RNF180: variants seen among roughly 807,000 people sequenced by gnomAD.
RNF180 encodes the protein E3 ubiquitin-protein ligase RNF180.
RNF180 carries 38 observed loss-of-function variants against 59.2 expected under a neutral mutation model. The ratio of observed to expected loss-of-function variants is 0.64; its 90% CI spans 0.50 to 0.84. The LOEUF is 0.84. Ranked by LOEUF, RNF180 falls within the 40% of genes least tolerant of loss-of-function variation. The pLI is 0.00. For missense variants in RNF180, 705 were observed against 700.9 expected (o/e 1.01, Z -0.07); for synonymous variants, 262 against 240.3 (o/e 1.09, Z -0.84).
At chr5:64,243,321 C>G (rs1309464554) in intron 5 of RNF180, among the ~76,000 whole-genome samples, 2 of 152,188 alleles carry the variant, frequency 1.3e-5, no homozygotes, top group African/African-American at 4.8e-5. Flanking sequence ...ATGGAGCCAG[C>G]TAAGATTCAC....
At chr5:64,168,656 A>C (rs1190286109) in intron 1 of RNF180, among the ~76,000 whole-genome samples, 2 of 152,174 alleles carry the variant, frequency 1.3e-5, no homozygotes, top group African/African-American at 4.8e-5. Flanking sequence ...TTAAATTTAA[A>C]TCTTTGTAAC....
chr5:64,203,199 A>C (rs1364932696), intron 2 of RNF180, among the ~76,000 whole-genome samples: 1 of 152,210 alleles, frequency 6.6e-6, no homozygotes, highest in African/African-American at 2.4e-5. Context: ...AGTCTTGTTG[A>C]AAATAGGCCA....
chr5:64,343,647 G>C (rs966586012), intron 7 of RNF180, among the ~76,000 whole-genome samples: 1 of 151,652 alleles, frequency 6.6e-6, no homozygotes, highest in African/African-American at 2.4e-5. Flanking sequence ...CAAGAAGCAA[G>C]GATGACTGAC....
chr5:64,263,317 C>G (rs542709775), intron 5 of RNF180, among the ~76,000 whole-genome samples: 5 of 152,182 alleles, frequency 3.3e-5, no homozygotes, highest in African/African-American at 1.2e-4. Flanking sequence ...GTAACACTTG[C>G]CGGTCTCCAT....
chr5:64,362,931 G>A (rs557868625), intron 7 of RNF180, among the ~76,000 whole-genome samples: 54 of 142,074 alleles, frequency 3.8e-4, no homozygotes, highest in Middle Eastern at 3.4e-3. Flanking sequence ...TTTTAAAGGG[G>A]TTATTCTTTT....
At chr5:64,250,507 C>G (rs1004430253) in intron 5 of RNF180, among the ~76,000 whole-genome samples, 3 of 151,708 alleles carry the variant, frequency 2.0e-5, no homozygotes, top group Non-Finnish European at 4.4e-5. Context: ...AGAAAATCAA[C>G]AAACCATTAG....
intron 1 of RNF180, among the ~76,000 whole-genome samples, chr5:64,168,333 G>C (rs778620901): frequency 7.9e-5 from 12 of 152,120 alleles, no homozygotes; most frequent in Non-Finnish European, 1.5e-5. Context: ...TGATGGCTAC[G>C]AAGGCAGTTT....
chr5:64,325,807 C>A (rs141040540), intron 6 of RNF180, among the ~76,000 whole-genome samples: 1 of 152,174 alleles, frequency 6.6e-6, no homozygotes, highest in Non-Finnish European at 1.5e-5. Context: ...TATCTAAGTA[C>A]AATTACTACA....
chr5:64,344,389 A>G (rs1156309080), intron 7 of RNF180, among the ~76,000 whole-genome samples: 1 of 152,176 alleles, frequency 6.6e-6, no homozygotes, highest in African/African-American at 2.4e-5. Context: ...CCATAGGAAA[A>G]CATAAAACCA....
At chr5:64,237,357 CTT>C (rs993163754) in intron 5 of RNF180, among the ~76,000 whole-genome samples, 1 of 148,940 alleles carries the variant, frequency 6.7e-6, no homozygotes, top group Admixed American at 6.7e-5. Flanking sequence ...CCTGTGTCCT[CTT>C]TTTTTTTTAT....
intron 7 of RNF180, among the ~76,000 whole-genome samples, chr5:64,342,643 C>T (rs954468044): frequency 2.6e-5 from 4 of 151,998 alleles, no homozygotes; most frequent in African/African-American, 9.7e-5. Flanking sequence ...ATATTTTAAA[C>T]CTATATAGGA....
intron 3 of RNF180, 142 bp from the exon 4 acceptor site, chr5:64,213,416 C>T (rs1752411901): frequency 2.9e-6 from 2 of 678,050 alleles, no homozygotes; most frequent in African/African-American, 3.6e-5. Flanking sequence ...ATTTGCTGTT[C>T]AGTCTACTAA....
chr5:64,323,902 A>T (rs1744496208), intron 5 of RNF180, among the ~76,000 whole-genome samples: 1 of 152,130 alleles, frequency 6.6e-6, no homozygotes, highest in Admixed American at 6.5e-5. Flanking sequence ...ACTACAGTAA[A>T]TCCTCATTTA....
intron 5 of RNF180, among the ~76,000 whole-genome samples, chr5:64,311,592 C>T (rs1347857935): frequency 6.6e-6 from 1 of 152,022 alleles, no homozygotes; most frequent in African/African-American, 2.4e-5. Context: ...AAAGTCCTTA[C>T]TGTTTTTGAA....
chr5:64,300,306 A>T (rs1196577158), intron 5 of RNF180, among the ~76,000 whole-genome samples: 1 of 151,746 alleles, frequency 6.6e-6, no homozygotes, highest in African/African-American at 2.4e-5. Context: ...CGAAAGTTAA[A>T]CCCACAATGC....
chr5:64,166,407 G>C (rs961445536), intron 1 of RNF180: 1 of 152,706 alleles, frequency 6.5e-6, no homozygotes, highest in Admixed American at 6.5e-5. Context: ...GATTCCCTCT[G>C]CACGGTTCCA....
intron 5 of RNF180, among the ~76,000 whole-genome samples, chr5:64,224,621 T>C (rs1474638527): frequency 2.6e-5 from 4 of 152,120 alleles, no homozygotes. Flanking sequence ...ACTAGGTCAC[T>C]GGAGTATAGG....
intron 5 of RNF180, among the ~76,000 whole-genome samples, chr5:64,289,342 C>G (rs952365638): frequency 6.6e-6 from 1 of 152,074 alleles, no homozygotes; most frequent in Non-Finnish European, 1.5e-5. Context: ...AGATATTGGC[C>G]TGAAGTTTCC....
intron 7 of RNF180, among the ~76,000 whole-genome samples, chr5:64,344,620 G>A (rs1404463952): frequency 1.3e-5 from 2 of 151,922 alleles, no homozygotes; most frequent in South Asian, 2.1e-4. Context: ...TATTAGCAGC[G>A]GTCTCTGTGT....
Sources: allele counts gnomAD v4.1 joint callset (sites outside exome capture counted in the v4.1 genomes callset), GRCh38; gene constraint gnomAD v4.1.1; transcripts MANE v1.5; gene names NCBI Gene and HGNC (gene_info 2026-07-23, HGNC 2026-07-21).